SLC22A5: variants seen among roughly 807,000 people sequenced by gnomAD.
The protein encoded by SLC22A5 is solute carrier family 22 member 5.
Under a neutral mutation model 56.7 loss-of-function variants are expected in SLC22A5, and 44 were observed. The ratio of observed to expected loss-of-function variants is 0.78; its 90% CI spans 0.61 to 1.00. SLC22A5 has a LOEUF of 1.00. SLC22A5 is among the 50% of genes least tolerant of loss of function. The pLI is 0.00. For missense variants in SLC22A5, 675 were observed against 723.0 expected (o/e 0.93, Z 0.76); for synonymous variants, 278 against 292.1 (o/e 0.95, Z 0.49).
At chr5:132,392,279 G>A (rs1235556731) in intron 7 of SLC22A5, among the ~76,000 whole-genome samples, 154 bp from the exon 8 acceptor site, 2 of 152,196 alleles carry the variant, frequency 1.3e-5, no homozygotes, top group African/African-American at 2.4e-5. Context: ...TCAATTTGGA[G>A]GGAAATCTTG....
chr5:132,391,094 G>C (rs770026503), intron 7 of SLC22A5, among the ~76,000 whole-genome samples, 190 bp downstream of exon 7: 1 of 152,244 alleles, frequency 6.6e-6, no homozygotes, highest in Non-Finnish European at 1.5e-5. Flanking sequence ...CTTTGAGGGA[G>C]TGGGAAAAAG....
rs368757613 is a variant in SLC22A5 at position 132,378,375 on chromosome 5, C to G, written c.394-3C>G. Reference sequence around the variant, plus strand: ...TGATACACCCCCTTTGCTCATCTTGCAGTGGAACCTGGTGTGTGAGGACGA... The same window carrying G: ...TGATACACCCCCTTTGCTCATCTTGGAGTGGAACCTGGTGTGTGAGGACGA... On this transcript the variant is annotated splice_polypyrimidine_tract_variant and splice_region_variant and intron_variant, in intron 1 of 9. Coordinates refer to ENST00000245407, the MANE Select transcript of SLC22A5 (RefSeq NM_003060.4). The G allele has an allele frequency of 6.2e-7, 1 of 1,613,874 alleles. No individual in the cohort carries two copies. The highest frequency in any genetic ancestry group is 2.2e-5 in the East Asian group (1 of 44,888).
intron 5 of SLC22A5, among the ~76,000 whole-genome samples, chr5:132,388,145 A>C (rs1425881059): frequency 1.3e-5 from 2 of 152,196 alleles, no homozygotes; most frequent in African/African-American, 2.4e-5. Context: ...GGAGTGTGGC[A>C]GAGGGCTTTT....
chr5:132,375,526 C>G (rs529162440), intron 1 of SLC22A5, among the ~76,000 whole-genome samples: 6 of 152,264 alleles, frequency 3.9e-5, no homozygotes, highest in Admixed American at 3.9e-4. Flanking sequence ...ACATTTAGTC[C>G]CAGGGAACTA....
chr5:132,373,366 G>C (rs1448055762), intron 1 of SLC22A5, among the ~76,000 whole-genome samples: 2 of 152,288 alleles, frequency 1.3e-5, no homozygotes, highest in African/African-American at 4.8e-5. Context: ...GCAGGGCGTG[G>C]TGGCTCACGC....
At chr5:132,389,428 C>T (rs1007319139) in intron 6 of SLC22A5, 6 of 314,296 alleles carry the variant, frequency 1.9e-5, no homozygotes, top group Admixed American at 4.5e-5. Context: ...CAGTTACTTT[C>T]TGGAAATGTG....
chr5:132,393,981 C>G (rs1469693668), intron 9 of SLC22A5, among the ~76,000 whole-genome samples, 170 bp downstream of exon 9: 2 of 152,198 alleles, frequency 1.3e-5, no homozygotes, highest in Non-Finnish European at 2.9e-5. Flanking sequence ...CCCATCCTCT[C>G]TGGTCTGTTC....
chr5:132,390,255 C>T (rs1268592960), intron 6 of SLC22A5: 1 of 317,890 alleles, frequency 3.1e-6, no homozygotes, highest in Admixed American at 4.8e-5. Context: ...TAATGTTGTT[C>T]CTTTTGTTAT....
chr5:132,393,000 T>C (rs1752759098), intron 8 of SLC22A5, among the ~76,000 whole-genome samples: 1 of 152,210 alleles, frequency 6.6e-6, no homozygotes, highest in Non-Finnish European at 1.5e-5. Context: ...AAGATGTCCA[T>C]GCAAGAGGTC....
chr5:132,387,299 C>T, intron 5 of SLC22A5, 148 bp downstream of exon 5: 1 of 834,572 alleles, frequency 1.2e-6, no homozygotes. Context: ...TCCCCCCACT[C>T]CCCACCCCCA....
chr5:132,383,845 AT>A (rs1280641481), intron 2 of SLC22A5: 19 of 343,354 alleles, frequency 5.5e-5, no homozygotes, highest in Admixed American at 1.3e-4. Flanking sequence ...TTTAAAAAAA[AT>A]ATCATTATGA....
At position 132,370,332 on chromosome 5, in the gene SLC22A5, T is replaced by G; in HGVS notation, c.360T>G (p.Ser120Arg). The G allele has an allele frequency of 6.2e-7, 1 of 1,612,168 alleles. No homozygotes were observed. The highest frequency in any genetic ancestry group is 8.5e-7 in the Non-Finnish European group (1 of 1,179,688). The stretch of plus-strand genomic sequence containing the variant: ...GCTGTCTGGATGGCTGGGAGTTCAG[T>G]CAGGACGTCTACCTGTCCACCATTG... ...QESCLDGWEF[S>R]QDVYLSTIVT... Residue 120 changes from serine to arginine, a missense_variant, in exon 1 of 10, where the codon AGT becomes AGG. Ser to Arg is a moderately radical substitution (Grantham distance 110). Coordinates refer to ENST00000245407, the MANE Select transcript of SLC22A5 (RefSeq NM_003060.4).
chr5:132,369,878 G>A lies in SLC22A5; in HGVS notation c.-95G>A. ...ACGGTCTTGGGTCGCCTGCTGCCTG[G>A]CTTGCCTGGTCGGCGGCGGGTGCCC... On this transcript the variant is annotated 5_prime_UTR_variant, in exon 1 of 10. Transcript: ENST00000245407. 1 of 1,516,514 alleles carries A rather than the reference G, an allele frequency of 6.6e-7. No individual in the cohort carries two copies. Among genetic ancestry groups the A allele is most frequent in the Non-Finnish European group, 8.8e-7 (1 of 1,131,038 alleles). The allele number at this position is 1,516,514 out of a possible 1,614,324, so 93.9% of individuals were successfully genotyped here.
intron 8 of SLC22A5, 132 bp from the exon 9 acceptor site, chr5:132,393,544 C>A: frequency 8.9e-7 from 1 of 1,118,400 alleles, no homozygotes; most frequent in Non-Finnish European, 1.4e-6. Flanking sequence ...AATCTGACTG[C>A]TCAGACTGTG....
chr5:132,370,152 C>T lies in SLC22A5; in HGVS notation c.180C>T (p.Ser60=). The T allele has an allele frequency of 1.2e-6, 2 of 1,608,818 alleles. No homozygotes were observed. Among genetic ancestry groups the T allele is most frequent in the Non-Finnish European group, 1.7e-6 (2 of 1,178,002 alleles). The change falls in exon 1 of 10, where the codon AGC becomes AGT. Residue 60 remains serine, a synonymous_variant. Coordinates refer to ENST00000245407, the MANE Select transcript of SLC22A5 (RefSeq NM_003060.4). ...TGCCGGACGCCGCGAACCTGAGCAG[C>T]GCCTGGCGCAACCACACTGTCCCAC... ...CRVPDAANLS[S]AWRNHTVPLR... is the part of the protein sequence containing the mutation.
chr5:132,387,623 AG>A (rs1365718351), intron 5 of SLC22A5, among the ~76,000 whole-genome samples: 1 of 152,172 alleles, frequency 6.6e-6, no homozygotes, highest in Non-Finnish European at 1.5e-5. Context: ...TTCATTAAAA[AG>A]AAAAAAAAAG....
intron 4 of SLC22A5, among the ~76,000 whole-genome samples, chr5:132,386,264 G>C (rs1000318884): frequency 6.5e-5 from 9 of 139,152 alleles, no homozygotes; most frequent in African/African-American, 2.4e-4. Context: ...CAAAGTCTCT[G>C]TTGCCCAGGC....
At chr5:132,385,565 G>A in intron 4 of SLC22A5, 66 bp downstream of exon 4, 3 of 1,327,990 alleles carry the variant, frequency 2.3e-6, no homozygotes, top group Non-Finnish European at 3.3e-6. Flanking sequence ...TTCACTAGAG[G>A]GCAGCAACAA....
rs1396698127 is a variant in SLC22A5 at position 132,395,403 on chromosome 5, T to TGAA, written c.*1131_*1132insGAA. 1.3e-5 allele frequency: 2 copies of TGAA among 152,882 alleles called. No homozygotes were observed. Among genetic ancestry groups the TGAA allele is most frequent in the South Asian group, 4.1e-4 (2 of 4,826 alleles). 9.5% of individuals were successfully genotyped at this position (152,882 alleles called of 1,614,324 possible). A position where few individuals can be genotyped will look rare whatever the true frequency, so the allele number is the denominator to read the frequency against. ...AGAAATTTAAATTGTGTTCATAGTC[T>TGAA]TTCAGAGTAGCTCACTTTAGTCCTG... On this transcript the variant is annotated 3_prime_UTR_variant, in exon 10 of 10. Coordinates refer to ENST00000245407, the MANE Select transcript of SLC22A5 (RefSeq NM_003060.4).
Sources: gnomAD v4.1 joint callset for allele counts (sites outside exome capture counted in the v4.1 genomes callset) on GRCh38, gnomAD v4.1.1 for gene constraint, MANE v1.5 for transcripts, NCBI Gene and HGNC (gene_info 2026-07-23, HGNC 2026-07-21) for gene names.